TDP1: variants seen among roughly 807,000 people sequenced by gnomAD.
TDP1 encodes the protein tyr-DNA phosphodiesterase 1.
TDP1 carries 64 observed loss-of-function variants against 81.5 expected under a neutral mutation model. The observed-to-expected ratio is 0.79, with a 90% CI of 0.64 to 0.97. The LOEUF is 0.97. TDP1 is among the 50% of genes least tolerant of loss of function. TDP1 has a pLI of 0.00. For missense variants in TDP1, 723 were observed against 743.8 expected, an observed-to-expected ratio of 0.97 and a Z score of 0.33; for synonymous variants, 256 against 264.3, an observed-to-expected ratio of 0.97 and a Z score of 0.30.
Position 90,043,119 on chromosome 14 carries a change from T to C in TDP1, c.1803T>C (p.His601=), listed in dbSNP as rs1297949325. 2 of 1,614,050 alleles carry C rather than the reference T, an allele frequency of 1.2e-6. No homozygotes were observed. Among genetic ancestry groups the C allele is most frequent in the African/African-American group, 1.3e-5 (1 of 74,924 alleles). ...NIPYVKAPDT[H]GNMWVPS Reference sequence around the variant, plus strand: ...CTTATGTCAAAGCACCGGATACGCATGGGAACATGTGGGTGCCCTCCTGAG... The same window carrying C: ...CTTATGTCAAAGCACCGGATACGCACGGGAACATGTGGGTGCCCTCCTGAG... Residue 601 remains histidine (H), a synonymous_variant, in exon 17 of 17, where the codon CAT becomes CAC. Coordinates refer to ENST00000335725, the MANE Select transcript of TDP1 (RefSeq NM_018319.4).
At chr14:89,982,568 A>T (rs763897602) in intron 8 of TDP1, among the ~76,000 whole-genome samples, 6 of 152,228 alleles carry the variant, frequency 3.9e-5, no homozygotes, top group Admixed American at 6.5e-5. Context: ...AGCTTAGCTT[A>T]CAGGCAGTAG....
chr14:89,967,776 T>G (rs1050896085), intron 5 of TDP1, among the ~76,000 whole-genome samples: 1 of 152,210 alleles, frequency 6.6e-6, no homozygotes, highest in Non-Finnish European at 1.5e-5. Context: ...GTGCCATGCT[T>G]TCCGTAGCAC....
intron 5 of TDP1, among the ~76,000 whole-genome samples, chr14:89,970,086 C>T (rs1211096765): frequency 6.6e-6 from 1 of 151,600 alleles, no homozygotes. Flanking sequence ...CCGTTTTAGC[C>T]GGGATGGTCT....
At chr14:89,958,829 G>A (rs772825143) in intron 2 of TDP1, among the ~76,000 whole-genome samples, 2 of 152,148 alleles carry the variant, frequency 1.3e-5, no homozygotes, top group Non-Finnish European at 2.9e-5. Flanking sequence ...GCCTCCTGCC[G>A]CTATCACATA....
At chr14:90,030,018 C>T (rs1452443435) in intron 15 of TDP1, among the ~76,000 whole-genome samples, 1 of 152,220 alleles carries the variant, frequency 6.6e-6, no homozygotes, top group African/African-American at 2.4e-5. Flanking sequence ...ATATCATCTT[C>T]ATTTCATAAA....
intron 16 of TDP1, among the ~76,000 whole-genome samples, chr14:90,035,285 G>A (rs1016623930): frequency 4.6e-5 from 7 of 152,194 alleles, no homozygotes; most frequent in African/African-American, 1.7e-4. Context: ...TCAATAGTTT[G>A]ATGCTAAGTT....
intron 14 of TDP1, among the ~76,000 whole-genome samples, chr14:90,004,624 A>C (rs1012557343): frequency 6.6e-6 from 1 of 152,190 alleles, no homozygotes; most frequent in African/African-American, 2.4e-5. Context: ...TTTATGTGCC[A>C]GGTGCTATTC....
At chr14:90,000,225 G>T (rs1897071662) in intron 14 of TDP1, among the ~76,000 whole-genome samples, 1 of 152,172 alleles carries the variant, frequency 6.6e-6, no homozygotes, top group Non-Finnish European at 1.5e-5. Flanking sequence ...TCTCAGGAAG[G>T]ACCCAACTCA....
intron 9 of TDP1, chr14:89,984,915 C>A: frequency 1.0e-6 from 1 of 985,034 alleles, no homozygotes; most frequent in Non-Finnish European, 1.2e-6. Context: ...GGGTTACTCT[C>A]ACAATTATTG....
chr14:90,029,748 C>G (rs1271306007), intron 15 of TDP1, among the ~76,000 whole-genome samples: 1 of 152,198 alleles, frequency 6.6e-6, no homozygotes, highest in Non-Finnish European at 1.5e-5. Context: ...ATCCACCCGC[C>G]TTGGCCTCCC....
chr14:89,967,211 G>A, intron 4 of TDP1, 156 bp from the exon 5 acceptor site: 1 of 826,112 alleles, frequency 1.2e-6, no homozygotes, highest in Non-Finnish European at 1.5e-6. Flanking sequence ...TTATAGGTTT[G>A]TTAGTATTGC....
chr14:90,000,422 T>C (rs1254730196), intron 14 of TDP1, among the ~76,000 whole-genome samples: 2 of 152,170 alleles, frequency 1.3e-5, no homozygotes, highest in Non-Finnish European at 2.9e-5. Flanking sequence ...TCCGCTCTTA[T>C]TGCCCAGGCT....
At chr14:90,014,720 C>T (rs1233250736) in intron 14 of TDP1, among the ~76,000 whole-genome samples, 1 of 152,226 alleles carries the variant, frequency 6.6e-6, no homozygotes, top group Non-Finnish European at 1.5e-5. Context: ...GTTCCCATAA[C>T]AGCAGTCACC....
Position 89,978,728 on chromosome 14 carries a change from C to T in TDP1, c.792-1812C>T, listed in dbSNP as rs113646276. On this transcript the variant is annotated intron_variant, in intron 7 of 16. Transcript: ENST00000335725. Reference sequence around the variant, plus strand: ...CTTGACTAATGGAAATATTTGTAAACGTTCTATCATGAATCCATAACTGAC... The same window carrying T: ...CTTGACTAATGGAAATATTTGTAAATGTTCTATCATGAATCCATAACTGAC... Among the ~76,000 whole-genome samples the T allele has an allele frequency of 2.0e-3, 302 of 152,266 alleles. 1 individual carries two copies. The highest frequency in any genetic ancestry group is 6.9e-3 in the African/African-American group (285 of 41,542).
intron 15 of TDP1, among the ~76,000 whole-genome samples, chr14:90,029,779 G>A (rs941071197): frequency 1.3e-5 from 2 of 152,218 alleles, no homozygotes; most frequent in African/African-American, 4.8e-5. Context: ...GATTACAGGT[G>A]TGAGCCATTG....
intron 15 of TDP1, among the ~76,000 whole-genome samples, chr14:90,028,190 C>A (rs949815601): frequency 6.6e-6 from 1 of 152,202 alleles, no homozygotes; most frequent in Non-Finnish European, 1.5e-5. Context: ...AGGAAAGATG[C>A]CACCACCTTC....
At chr14:89,998,436 G>GTATGTA (rs1156857406) in intron 14 of TDP1, among the ~76,000 whole-genome samples, 15 of 106,414 alleles carry the variant, frequency 1.4e-4, no homozygotes, top group African/African-American at 6.0e-4. Flanking sequence ...ATGTATGTAT[G>GTATGTA]TATGTATATG....
chr14:89,959,502 A>G (rs1442967534), intron 2 of TDP1, among the ~76,000 whole-genome samples: 1 of 152,240 alleles, frequency 6.6e-6, no homozygotes, highest in Non-Finnish European at 1.5e-5. Context: ...TACATTTAAC[A>G]ACAAGACACA....
chr14:90,025,232 T>C (rs1365082709), intron 15 of TDP1, among the ~76,000 whole-genome samples: 1 of 152,226 alleles, frequency 6.6e-6, no homozygotes, highest in Non-Finnish European at 1.5e-5. Context: ...GATTAGGACC[T>C]GTCACTCTGG....
Sources: allele counts gnomAD v4.1 joint callset (sites outside exome capture counted in the v4.1 genomes callset), GRCh38; gene constraint gnomAD v4.1.1; transcripts MANE v1.5; gene names NCBI Gene and HGNC (gene_info 2026-07-23, HGNC 2026-07-21).